Variants in YJU2 observed in about 807,000 individuals in gnomAD.
YJU2 encodes YJU2 splicing factor homolog.
In YJU2, 28 loss-of-function variants were observed where a neutral mutation model predicts 39.6. The ratio of observed to expected loss-of-function variants is 0.71; its 90% confidence interval spans 0.52 to 0.97. The LOEUF (loss-of-function observed/expected upper bound fraction) is 0.97. Ranked by LOEUF, YJU2 falls within the 50% of genes least tolerant of loss-of-function variation. The pLI is 0.00. For missense variants in YJU2, 328 were observed against 430.4 expected (o/e 0.76, Z 2.11); for synonymous variants, 184 against 182.4 (o/e 1.01, Z -0.07).
In YJU2 at chr19:4,252,520, C is replaced by T. The variant is rs560407841; in HGVS notation, c.270+1349C>T. Among the ~76,000 whole-genome samples, 539 of 152,192 alleles carry T rather than the reference C, an allele frequency of 3.5e-3. 3 individuals carry two copies. Among genetic ancestry groups the T allele is most frequent in the African/African-American group, 0.012 (512 of 41,548 alleles). On this transcript the variant is annotated intron_variant, in intron 3 of 7. Coordinates refer to ENST00000262962, the MANE Select transcript of YJU2 (RefSeq NM_018074.6). Reference sequence around the variant, plus strand: ...TCGGGAGGCTGAGACAAGAGAATGGCGTGAACCCAGGAGGCGGAGCTTGCA... The same window carrying T: ...TCGGGAGGCTGAGACAAGAGAATGGTGTGAACCCAGGAGGCGGAGCTTGCA...
At chr19:4,254,520 G>A (rs1971003408) in intron 4 of YJU2, 31 bp downstream of exon 4, 2 of 1,546,864 alleles carry the variant, frequency 1.3e-6, no homozygotes, top group African/African-American at 2.7e-5. Flanking sequence ...GTGTTCATGG[G>A]CGCTGTGTGT....
intron 4 of YJU2, among the ~76,000 whole-genome samples, chr19:4,256,825 A>G (rs4807554): frequency 0.4 from 60,897 of 151,606 alleles, 14,031 homozygotes; most frequent in African/African-American, 0.64. Flanking sequence ...ACAACATGGC[A>G]GCTGCGTACC....
chr19:4,257,903 A>G (rs958700099), intron 4 of YJU2, among the ~76,000 whole-genome samples: 30 of 152,130 alleles, frequency 2.0e-4, no homozygotes. Context: ...GTGCCTGGCC[A>G]AATTTTTCCT....
In YJU2 at chr19:4,261,997, C is replaced by T; in HGVS notation, c.591C>T (p.Ala197=). 2 of 1,613,278 alleles carry T rather than the reference C, an allele frequency of 1.2e-6. No individual in the cohort carries two copies. Among genetic ancestry groups the T allele is most frequent in the African/African-American group, 2.7e-5 (2 of 75,028 alleles). The stretch of plus-strand genomic sequence containing the variant: ...GTTCCCATCTTCCATCCCACAGGGC[C>T]CTGTTGGAGGAAGCCAGAAAGCGAA... ...QQEEDEQETA[A]LLEEARKRRL... The change falls in exon 6 of 8, where the codon GCC becomes GCT. Residue 197 remains alanine (A), a synonymous_variant. Coordinates refer to ENST00000262962, the MANE Select transcript of YJU2 (RefSeq NM_018074.6).
At position 4,247,575 on chromosome 19, in the gene YJU2, GGTGGCGC is replaced by G. The variant is rs200976218; in HGVS notation, c.24+409_24+415del. On this transcript the variant is annotated intron_variant, in intron 1 of 7. Transcript: ENST00000262962. ...GTGTACTTTGGGTGGGGTGGGGTGGGGTGGCGCGTGTGTGTGTGTGTGTGTGTGTGTG... is the reference window on the plus strand; with the variant it reads ...GTGTACTTTGGGTGGGGTGGGGTGGGGTGTGTGTGTGTGTGTGTGTGTGTG... Among the ~76,000 whole-genome samples, 37 of 89,042 alleles carry G rather than the reference GGTGGCGC, an allele frequency of 4.2e-4. 2 individuals are homozygous for G. Among genetic ancestry groups the G allele is most frequent in the African/African-American group, 1.2e-3 (19 of 15,818 alleles). 58.4% of individuals were successfully genotyped at this position (89,042 alleles called of 152,430 possible). A position where few individuals can be genotyped will look rare whatever the true frequency, so the allele number is the denominator to read the frequency against.
In YJU2 at chr19:4,247,129, G is replaced by A. The variant is rs1272971462; in HGVS notation, c.-18G>A. The stretch of plus-strand genomic sequence containing the variant: ...CTAACCATTTCTCAGGTGCTTGCGA[G>A]GTGATCAGAAGGCAAAGATGTCGGA... On this transcript the variant is annotated 5_prime_UTR_variant, in exon 1 of 8. Coordinates refer to ENST00000262962, the MANE Select transcript of YJU2 (RefSeq NM_018074.6). 1 of 1,613,338 alleles carries A rather than the reference G, an allele frequency of 6.2e-7. No individual in the cohort carries two copies. The highest frequency in any genetic ancestry group is 1.7e-5 in the Admixed American group (1 of 60,014).
chr19:4,261,948 GTTCCCCAAACAGAGC>G, intron 5 of YJU2, 31 bp from the exon 6 acceptor site: 1 of 1,599,192 alleles, frequency 6.3e-7, no homozygotes, highest in Non-Finnish European at 8.5e-7. Flanking sequence ...CCCAGGCACT[GTTCCCCAAACAGAGC>G]ACGTCCAAGT....
At chr19:4,258,580 G>A (rs547453441) in intron 5 of YJU2, among the ~76,000 whole-genome samples, 157 bp downstream of exon 5, 4 of 152,244 alleles carry the variant, frequency 2.6e-5, no homozygotes, top group Admixed American at 2.0e-4. Context: ...GGCGTCTCTC[G>A]AGGGGGTCCC....
chr19:4,254,574 G>T, intron 4 of YJU2, 85 bp downstream of exon 4: 2 of 1,446,392 alleles, frequency 1.4e-6, no homozygotes, highest in East Asian at 2.6e-5. Context: ...TCCTGCCTCA[G>T]GTCCCCAAGG....
intron 7 of YJU2, 74 bp from the exon 8 acceptor site, chr19:4,268,510 T>G (rs1971135191): frequency 9.5e-6 from 10 of 1,053,572 alleles, no homozygotes; most frequent in Non-Finnish European, 1.1e-5. Context: ...CCTGCAGAGG[T>G]GGCCGGCCCC....
chr19:4,256,180 AAAT>A (rs1190975352), intron 4 of YJU2, among the ~76,000 whole-genome samples: 2 of 106,536 alleles, frequency 1.9e-5, no homozygotes, highest in African/African-American at 9.9e-5. Context: ...AAAAAAAAAA[AAAT>A]ATATATATAT....
chr19:4,249,276 C>T lies in YJU2; in HGVS notation c.73C>T (p.Leu25Phe), dbSNP rs1970956347. ...FDPSKIPKLK[L>F]PKDRQYVVRL... Reference sequence around the variant, plus strand: ...CCCATCAAAGATCCCCAAACTCAAGCTCCCCAAAGACCGGCAGTACGTGGT... The same window carrying T: ...CCCATCAAAGATCCCCAAACTCAAGTTCCCCAAAGACCGGCAGTACGTGGT... The change falls in exon 2 of 8, where the codon CTC becomes TTC. Residue 25 changes from leucine (L) to phenylalanine (F), a missense_variant. Transcript: ENST00000262962. The T allele has an allele frequency of 6.2e-7, 1 of 1,613,864 alleles. No individual in the cohort carries two copies. Among genetic ancestry groups the T allele is most frequent in the Non-Finnish European group, 8.5e-7 (1 of 1,179,936 alleles).
intron 4 of YJU2, among the ~76,000 whole-genome samples, chr19:4,257,984 C>T (rs1173145339): frequency 6.6e-6 from 1 of 152,222 alleles, no homozygotes; most frequent in Non-Finnish European, 1.5e-5. Flanking sequence ...AGCCTCTTTC[C>T]ACCCCACCCT....
intron 2 of YJU2, among the ~76,000 whole-genome samples, chr19:4,250,506 G>C (rs1970967217): frequency 6.6e-6 from 1 of 152,108 alleles, no homozygotes; most frequent in Admixed American, 6.6e-5. Flanking sequence ...GGGGTACGGT[G>C]ACATCAGGCA....
Position 4,247,571 on chromosome 19 carries a change from GTGGGGTGGCGCGT to G in YJU2, c.24+402_24+414del. Among the ~76,000 whole-genome samples, 3 of 89,462 alleles carry G rather than the reference GTGGGGTGGCGCGT, an allele frequency of 3.4e-5. 1 individual carries two copies. The highest frequency in any genetic ancestry group is 2.7e-4 in the African/African-American group (3 of 11,174). 58.7% of individuals were successfully genotyped at this position (89,462 alleles called of 152,430 possible). On this transcript the variant is annotated intron_variant, in intron 1 of 7. Coordinates refer to ENST00000262962, the MANE Select transcript of YJU2 (RefSeq NM_018074.6). Reference sequence around the variant, plus strand: ...AATCGTGTACTTTGGGTGGGGTGGGGTGGGGTGGCGCGTGTGTGTGTGTGTGTGTGTGTGTGTG... The same window carrying G: ...AATCGTGTACTTTGGGTGGGGTGGGGGTGTGTGTGTGTGTGTGTGTGTGTG...
At chr19:4,262,539 T>C (rs1328261337) in intron 6 of YJU2, among the ~76,000 whole-genome samples, 1 of 151,858 alleles carries the variant, frequency 6.6e-6, no homozygotes, top group Non-Finnish European at 1.5e-5. Context: ...GCACCCTAAC[T>C]CCTCCACCCT....
chr19:4,255,462 G>C (rs530120807), intron 4 of YJU2, among the ~76,000 whole-genome samples: 1 of 152,006 alleles, frequency 6.6e-6, no homozygotes, highest in African/African-American at 2.4e-5. Flanking sequence ...AGGCGTGGTG[G>C]CTCACACCTG....
rs767201886 is a variant in YJU2, at chr19:4,247,215, C to T, written c.24+45C>T. ...GGCTTTTCAATCGGAGCAGGACATCCCGGAACTCCGGGAGAGGGAGGAGCT... is the reference window on the plus strand; with the variant it reads ...GGCTTTTCAATCGGAGCAGGACATCTCGGAACTCCGGGAGAGGGAGGAGCT... On this transcript the variant is annotated intron_variant, in intron 1 of 7. Transcript: ENST00000262962. The T allele has an allele frequency of 2.6e-6, 4 of 1,560,884 alleles. No homozygotes were observed. The East Asian group carries it at 6.8e-5, about 27-fold the overall frequency.
chr19:4,254,303 G>T (rs1971000772), intron 3 of YJU2, 52 bp from the exon 4 acceptor site: 1 of 1,373,508 alleles, frequency 7.3e-7, no homozygotes. Flanking sequence ...TACTTTAGAA[G>T]ATTCTAGTGC....
Sources: gnomAD v4.1 joint callset for allele counts (sites outside exome capture counted in the v4.1 genomes callset) on GRCh38, gnomAD v4.1.1 for gene constraint, MANE v1.5 for transcripts, NCBI Gene and HGNC (gene_info 2026-07-23, HGNC 2026-07-21) for gene names.